MACROD2: variants seen among roughly 807,000 people sequenced by gnomAD.
MACROD2 encodes ADP-ribose glycohydrolase MACROD2.
In MACROD2, 36 loss-of-function variants were observed where a neutral mutation model predicts 70.4. The observed-to-expected ratio is 0.51, with a 90% CI of 0.39 to 0.68. The LOEUF is 0.68. Ranked by LOEUF, MACROD2 falls within the 30% of genes least tolerant of loss-of-function variation. The probability of loss-of-function intolerance (pLI) is 0.00; values close to 1 mark genes in which losing one functional copy is unlikely to be tolerated. For missense variants in MACROD2, 496 were observed against 538.4 expected, an observed-to-expected ratio of 0.92 and a Z score of 0.78; for synonymous variants, 172 against 178.8, an observed-to-expected ratio of 0.96 and a Z score of 0.30.
At chr20:15,793,129 G>T (rs6131707) in intron 8 of MACROD2, among the ~76,000 whole-genome samples, 30,346 of 152,148 alleles carry the variant, frequency 0.2, 3,097 homozygotes, top group Non-Finnish European at 0.21. Flanking sequence ...GACTGTGTGT[G>T]TGTGTGCATG....
At chr20:15,017,434 C>T (rs565669884) in intron 5 of MACROD2, among the ~76,000 whole-genome samples, 21 of 152,282 alleles carry the variant, frequency 1.4e-4, no homozygotes, top group Middle Eastern at 3.4e-3. Flanking sequence ...GCTGCTTTCA[C>T]GGGCTGGCAT....
In MACROD2 at chr20:16,052,065, T is replaced by C. The variant is rs960064484; in HGVS notation, c.*2189T>C. The stretch of plus-strand genomic sequence containing the variant: ...AAAAATTCTAGAAGAATGAAAGTAA[T>C]CTTTGTATCCAGGAAACTAAGAGAA... On this transcript the variant is annotated 3_prime_UTR_variant, in exon 18 of 18. Coordinates refer to ENST00000684519, the MANE Select transcript of MACROD2 (RefSeq NM_001351661.2). 3.0e-4 allele frequency: 45 copies of C among 152,216 alleles called. No homozygotes were observed. The highest frequency in any genetic ancestry group is 6.5e-5 in the Admixed American group (1 of 15,278). The allele number at this position is 152,216 out of a possible 1,614,324, so 9.4% of individuals were successfully genotyped here.
intron 8 of MACROD2, among the ~76,000 whole-genome samples, chr20:15,707,028 C>T (rs911085796): frequency 6.6e-6 from 1 of 152,138 alleles, no homozygotes; most frequent in Non-Finnish European, 1.5e-5. Flanking sequence ...GTTATCAACC[C>T]TCCAGATAAA....
chr20:15,682,704 A>G (rs1307176354), intron 8 of MACROD2, among the ~76,000 whole-genome samples: 1 of 152,236 alleles, frequency 6.6e-6, no homozygotes, highest in Non-Finnish European at 1.5e-5. Context: ...TGACTATTGA[A>G]AACATGACCC....
intron 3 of MACROD2, among the ~76,000 whole-genome samples, chr20:14,190,246 G>A (rs1022561942): frequency 1.3e-5 from 2 of 152,124 alleles, no homozygotes; most frequent in African/African-American, 2.4e-5. Context: ...GTAACTCTGT[G>A]ATTTTACAGT....
intron 7 of MACROD2, among the ~76,000 whole-genome samples, chr20:15,456,545 TA>T (rs2146404171): frequency 7.6e-6 from 1 of 131,652 alleles, no homozygotes; most frequent in South Asian, 2.8e-4. Context: ...ACCTGGTAAA[TA>T]AAATTAAGTG....
At chr20:14,444,608 T>C (rs2122967009) in intron 3 of MACROD2, among the ~76,000 whole-genome samples, 1 of 152,164 alleles carries the variant, frequency 6.6e-6, no homozygotes, top group East Asian at 1.9e-4. Flanking sequence ...ACTCCCAAAT[T>C]TGTATCTTTA....
At chr20:14,337,292 G>C (rs1351218572) in intron 3 of MACROD2, 1 of 279,236 alleles carries the variant, frequency 3.6e-6, no homozygotes, top group Non-Finnish European at 6.6e-6. Flanking sequence ...TGTGGTGACA[G>C]AGCAAACGTT....
At chr20:14,420,063 A>T (rs905115204) in intron 3 of MACROD2, among the ~76,000 whole-genome samples, 2 of 151,864 alleles carry the variant, frequency 1.3e-5, no homozygotes, top group Non-Finnish European at 2.9e-5. Context: ...AATTAGTCAT[A>T]TGGTATTTTC....
At chr20:15,784,017 C>T (rs781058815) in intron 8 of MACROD2, among the ~76,000 whole-genome samples, 3 of 152,136 alleles carry the variant, frequency 2.0e-5, no homozygotes, top group Non-Finnish European at 4.4e-5. Flanking sequence ...TGCACTTCTT[C>T]CCCTCAACAT....
intron 5 of MACROD2, among the ~76,000 whole-genome samples, chr20:15,147,837 G>C (rs1203335143): frequency 6.6e-6 from 1 of 152,022 alleles, no homozygotes; most frequent in African/African-American, 2.4e-5. Flanking sequence ...ATAGGATTTG[G>C]GTAGGTAAAG....
intron 6 of MACROD2, among the ~76,000 whole-genome samples, chr20:15,257,227 A>T (rs2077207538): frequency 6.6e-6 from 1 of 152,010 alleles, no homozygotes; most frequent in Admixed American, 6.6e-5. Flanking sequence ...CTATGATCTG[A>T]TTTATGTCAT....
intron 8 of MACROD2, among the ~76,000 whole-genome samples, chr20:15,835,960 A>G (rs1039573584): frequency 6.6e-6 from 1 of 152,210 alleles, no homozygotes; most frequent in African/African-American, 2.4e-5. Context: ...CCTTCCCTCC[A>G]CAATCTGCTC....
At chr20:15,321,642 C>T (rs1379016596) in intron 6 of MACROD2, among the ~76,000 whole-genome samples, 2 of 144,468 alleles carry the variant, frequency 1.4e-5, no homozygotes, top group African/African-American at 5.0e-5. Context: ...CTCCTTGATT[C>T]TATTAGTTAT....
intron 8 of MACROD2, among the ~76,000 whole-genome samples, chr20:15,556,481 C>A (rs1157459929): frequency 6.6e-6 from 1 of 151,942 alleles, no homozygotes; most frequent in Non-Finnish European, 1.5e-5. Flanking sequence ...TGGTAACTAG[C>A]AATTATATAC....
chr20:14,583,357 G>T (rs1981167763), intron 4 of MACROD2, among the ~76,000 whole-genome samples: 1 of 152,124 alleles, frequency 6.6e-6, no homozygotes, highest in African/African-American at 2.4e-5. Flanking sequence ...AAACTCCCCA[G>T]CCTCTCATCA....
intron 8 of MACROD2, among the ~76,000 whole-genome samples, chr20:15,647,933 G>A (rs376895440): frequency 1.9e-4 from 29 of 152,234 alleles, no homozygotes; most frequent in East Asian, 9.6e-4. Flanking sequence ...TGGCCAGGCT[G>A]TTCTCAAACT....
intron 5 of MACROD2, among the ~76,000 whole-genome samples, chr20:15,107,476 AC>A (rs2075920088): frequency 6.6e-6 from 1 of 152,070 alleles, no homozygotes; most frequent in South Asian, 2.1e-4. Flanking sequence ...CATTTTCAAA[AC>A]CTTGTGATAA....
intron 2 of MACROD2, among the ~76,000 whole-genome samples, chr20:14,064,279 G>T (rs1283420377): frequency 6.6e-6 from 1 of 151,896 alleles, no homozygotes; most frequent in Non-Finnish European, 1.5e-5. Flanking sequence ...TCATTTACAT[G>T]TGTACCTATG....
Sources: allele counts gnomAD v4.1 joint callset (sites outside exome capture counted in the v4.1 genomes callset), GRCh38; gene constraint gnomAD v4.1.1; transcripts MANE v1.5; gene names NCBI Gene and HGNC (gene_info 2026-07-23, HGNC 2026-07-21).